BFSP1: variants seen among roughly 807,000 people sequenced by gnomAD.
BFSP1 encodes filensin.
Under a neutral mutation model 43.9 loss-of-function variants are expected in BFSP1, and 38 were observed. That is an observed-to-expected ratio of 0.87 (90% CI 0.67 to 1.14). BFSP1 has a LOEUF of 1.14. Among genes scored for constraint, BFSP1 ranks in the 50% most tolerant of loss-of-function variants. BFSP1 has a pLI of 0.00. For synonymous variants in BFSP1, 352 were observed against 354.8 expected, an observed-to-expected ratio of 0.99 and a Z score of 0.09; for missense variants, 850 against 875.1, an observed-to-expected ratio of 0.97 and a Z score of 0.36.
At chr20:17,531,500 A>G, upstream of BFSP1, 3 of 1,005,072 alleles carry the variant, frequency 3.0e-6, no homozygotes, top group Non-Finnish European at 3.8e-6. Context: ...GGAGAAGAAA[A>G]GAGCAGCGGC....
rs532447886 is a variant in BFSP1, at chr20:17,525,049, C to T, written c.378-141G>A. 49 of 734,280 alleles carry T rather than the reference C, an allele frequency of 6.7e-5. No homozygotes were observed. Among genetic ancestry groups the T allele is most frequent in the African/African-American group, 5.6e-4 (32 of 57,266 alleles). 45.5% of individuals were successfully genotyped at this position (734,280 alleles called of 1,614,324 possible). ...GTCTTAATTTTAAAGTAGTAGCTAA[C>T]GAATGCTGCATTTCCTAGCTGACTG... On this transcript the variant is annotated intron_variant, in intron 1 of 7. Coordinates refer to ENST00000377873, the MANE Select transcript of BFSP1 (RefSeq NM_001195.5). The surrounding 1 kb of genome is among the most constrained non-coding windows in gnomAD (Gnocchi z 4.2).
At chr20:17,521,972 C>T (rs139637346) in intron 2 of BFSP1, among the ~76,000 whole-genome samples, 15 of 152,268 alleles carry the variant, frequency 9.9e-5, no homozygotes, top group Admixed American at 5.2e-4. Context: ...TAACACCCAG[C>T]GCTTCTGGAC....
chr20:17,496,703 G>T (rs951684675), intron 7 of BFSP1, among the ~76,000 whole-genome samples: 1 of 152,192 alleles, frequency 6.6e-6, no homozygotes, highest in Non-Finnish European at 1.5e-5. Flanking sequence ...TCACATTAGG[G>T]ATGGCATGCC....
intron 1 of BFSP1, among the ~76,000 whole-genome samples, chr20:17,539,513 G>A (rs894461147): frequency 2.7e-4 from 41 of 152,142 alleles, no homozygotes; most frequent in Non-Finnish European, 2.5e-4. Flanking sequence ...TTGGGAGGCT[G>A]AGGCAGGTGG....
intron 1 of BFSP1, among the ~76,000 whole-genome samples, chr20:17,526,771 T>C (rs1368889447): frequency 6.6e-6 from 1 of 152,254 alleles, no homozygotes; most frequent in Non-Finnish European, 1.5e-5. Flanking sequence ...CTGTACCATT[T>C]TACAGTCCCA....
At position 17,520,510 on chromosome 20, in the gene BFSP1, A is replaced by T. The variant is rs577147090; in HGVS notation, c.438+4338T>A. 2.6e-5 allele frequency among the ~76,000 whole-genome samples: 4 copies of T among 152,322 alleles called. No homozygotes were observed. In the East Asian group the frequency reaches 7.7e-4, roughly 29 times the overall value. Reference sequence around the variant, plus strand: ...CTAGTTAGCTGGAATTTAATTAAAAAACACTTTTCCTTCAACTCTGGATGT... The same window carrying T: ...CTAGTTAGCTGGAATTTAATTAAAATACACTTTTCCTTCAACTCTGGATGT... On this transcript the variant is annotated intron_variant, in intron 2 of 7. Coordinates refer to ENST00000377873, the MANE Select transcript of BFSP1 (RefSeq NM_001195.5).
At chr20:17,555,455 C>T (rs1302605871) in intron 1 of BFSP1, among the ~76,000 whole-genome samples, 2 of 151,482 alleles carry the variant, frequency 1.3e-5, no homozygotes, top group African/African-American at 4.9e-5. Flanking sequence ...GAGTTGGACA[C>T]CAGCCTGACC....
intron 1 of BFSP1, among the ~76,000 whole-genome samples, chr20:17,547,351 G>A (rs1245100280): frequency 6.6e-6 from 1 of 152,052 alleles, no homozygotes; most frequent in Non-Finnish European, 1.5e-5. Flanking sequence ...TGCTGAACAG[G>A]GTTGTCATCC....
rs994902367 is a variant in BFSP1 at position 17,497,321 on chromosome 20, ATTTTTTTGCCTTTTG to A, written c.957-313_957-299del. Among the ~76,000 whole-genome samples the A allele has an allele frequency of 2.6e-5, 4 of 151,490 alleles. 1 individual carries two copies. In the East Asian group the frequency reaches 7.7e-4, roughly 29 times the overall value. On this transcript the variant is annotated intron_variant, in intron 6 of 7. Transcript: ENST00000377873. ...TTCTCCATGAGACAGTGCCTTTTTT[ATTTTTTTGCCTTTTG>A]TTTTTTTGCCTTTTTGATTTTTTTA...
intron 1 of BFSP1, among the ~76,000 whole-genome samples, chr20:17,565,203 G>A (rs1458211819): frequency 2.0e-5 from 3 of 152,108 alleles, no homozygotes; most frequent in Non-Finnish European, 4.4e-5. Context: ...TGAATAAACT[G>A]TCAGTGGAGA....
chr20:17,563,754 T>C (rs2035089054), upstream of BFSP1, among the ~76,000 whole-genome samples: 1 of 151,928 alleles, frequency 6.6e-6, no homozygotes, highest in East Asian at 1.9e-4. Context: ...GGGGCAGTGG[T>C]GTGCACCTGT....
At position 17,525,002 on chromosome 20, in the gene BFSP1, T is replaced by C; in HGVS notation, c.378-94A>G. 2 of 1,092,488 alleles carry C rather than the reference T, an allele frequency of 1.8e-6. No homozygotes were observed. Among genetic ancestry groups the C allele is most frequent in the Non-Finnish European group, 2.8e-6 (2 of 705,648 alleles). The allele number at this position is 1,092,488 out of a possible 1,614,324, so 67.7% of individuals were successfully genotyped here. ...AGCATTAAATTCAACCTGGGTACGA[T>C]GCCCTCTCCTTTAAGGAGAGGGTCT... On this transcript the variant is annotated intron_variant, in intron 1 of 7. Transcript: ENST00000377873. The surrounding 1 kb of genome is among the most constrained non-coding windows in gnomAD (Gnocchi z 4.2).
In BFSP1 at chr20:17,508,977, C is replaced by T. The variant is rs773901224; in HGVS notation, c.647G>A (p.Arg216Gln). ...CTGACTCCGCAGGGCGGCCACCTCC[C>T]GCTCCGTCAGGAGCTTCTCCTGCAC... ...GMREEKLLTE[R>Q]EVAALRSQLE... Residue 216 changes from arginine to glutamine, a missense_variant, in exon 5 of 8, where the codon CGG (arginine) becomes CAG (glutamine). Coordinates refer to ENST00000377873, the MANE Select transcript of BFSP1 (RefSeq NM_001195.5). 2.9e-5 allele frequency: 46 copies of T among 1,592,516 alleles called. No homozygotes were observed. The highest frequency in any genetic ancestry group is 9.2e-5 in the South Asian group (8 of 86,748).
Position 17,542,471 on chromosome 20 carries a change from C to T in BFSP1, c.2+16217G>A, listed in dbSNP as rs371274510. ...AAAATTCACCAGGTGTGGTGCCATG[C>T]ACCTGTAGTCTCTGCTACTCAGGAG... On this transcript the variant is annotated intron_variant, in intron 1 of 7. Transcript: ENST00000377868. Among the ~76,000 whole-genome samples, 24 of 151,384 alleles carry T rather than the reference C, an allele frequency of 1.6e-4. No individual in the cohort carries two copies. In the East Asian group the frequency reaches 2.1e-3, roughly 14 times the overall value.
chr20:17,563,742 T>C (rs1301102366), upstream of BFSP1, among the ~76,000 whole-genome samples: 1 of 151,874 alleles, frequency 6.6e-6, no homozygotes, highest in Admixed American at 6.6e-5. Flanking sequence ...AAAAATTAGC[T>C]GGGGGCAGTG....
chr20:17,525,700 C>T lies in BFSP1; in HGVS notation c.378-792G>A, dbSNP rs1335745323. The stretch of plus-strand genomic sequence containing the variant: ...AGATTCCTTCCTAAATGACCCCTCC[C>T]CTTGTTCCCTATAAGGTGACCCCCA... On this transcript the variant is annotated intron_variant, in intron 1 of 7. Coordinates refer to ENST00000377873, the MANE Select transcript of BFSP1 (RefSeq NM_001195.5). This position sits in a 1 kb window ranked among gnomAD's most constrained non-coding sequence, Gnocchi z 4.2. 6.6e-5 allele frequency among the ~76,000 whole-genome samples: 10 copies of T among 152,156 alleles called. No individual in the cohort carries two copies. The highest frequency in any genetic ancestry group is 2.4e-4 in the African/African-American group (10 of 41,436).
At chr20:17,539,115 T>C (rs1328958195) in intron 1 of BFSP1, among the ~76,000 whole-genome samples, 6 of 139,532 alleles carry the variant, frequency 4.3e-5, no homozygotes, top group East Asian at 2.1e-4. Flanking sequence ...CTTTTTTTTT[T>C]TTTTTTTTTT....
At chr20:17,508,113 A>G (rs1432741737) in intron 5 of BFSP1, among the ~76,000 whole-genome samples, 1 of 152,206 alleles carries the variant, frequency 6.6e-6, no homozygotes, top group Admixed American at 6.5e-5. Context: ...TGTACTTGTC[A>G]AACCAAATGT....
intron 4 of BFSP1, 88 bp downstream of exon 4, chr20:17,511,888 A>G: frequency 8.2e-7 from 1 of 1,224,672 alleles, no homozygotes; most frequent in East Asian, 2.4e-5. Context: ...GGCCGCCCTC[A>G]CAGTCCAACC....
Sources: allele counts gnomAD v4.1 joint callset (sites outside exome capture counted in the v4.1 genomes callset), GRCh38; gene constraint gnomAD v4.1.1; non-coding constraint Gnocchi (gnomAD v3.1); transcripts MANE v1.5; gene names NCBI Gene and HGNC (gene_info 2026-07-23, HGNC 2026-07-21).